The following GRM1 variants were observed in gnomAD, a reference collection of about 807,000 sequenced individuals.
GRM1 encodes the protein metabotropic glutamate receptor 1.
In GRM1, 33 loss-of-function variants were observed where a neutral mutation model predicts 90.9. That is an observed-to-expected ratio of 0.36 (90% CI 0.28 to 0.49). GRM1 has a LOEUF of 0.49. Among genes scored for constraint, GRM1 ranks in the 20% least tolerant of loss-of-function variants. GRM1 has a pLI of 0.99. For synonymous variants in GRM1, 700 were observed against 613.2 expected, an observed-to-expected ratio of 1.14 and a Z score of -2.09; for missense variants, 1,190 against 1,534.3, an observed-to-expected ratio of 0.78 and a Z score of 3.75.
intron 2 of GRM1, among the ~76,000 whole-genome samples, chr6:146,252,910 A>G (rs900454880): frequency 8.6e-5 from 13 of 151,698 alleles, no homozygotes; most frequent in Admixed American, 8.6e-4. Flanking sequence ...AAATACAAAA[A>G]TTAGCTGGGC....
At chr6:146,269,742 C>T (rs1387955382) in intron 2 of GRM1, among the ~76,000 whole-genome samples, 1 of 151,966 alleles carries the variant, frequency 6.6e-6, no homozygotes, top group East Asian at 1.9e-4. Flanking sequence ...GAATCTGATG[C>T]CTGGTGATCT....
At chr6:146,187,689 A>G (rs572970157) in intron 2 of GRM1, among the ~76,000 whole-genome samples, 32 of 151,960 alleles carry the variant, frequency 2.1e-4, no homozygotes, top group South Asian at 4.1e-4. Flanking sequence ...TATAATTTAT[A>G]TTTGCTAACA....
intron 2 of GRM1, among the ~76,000 whole-genome samples, chr6:146,195,796 G>A (rs1052378318): frequency 6.6e-6 from 1 of 152,218 alleles, no homozygotes; most frequent in Non-Finnish European, 1.5e-5. Context: ...GAGACAAATA[G>A]AAAGGAGCTG....
intron 3 of GRM1, among the ~76,000 whole-genome samples, chr6:146,351,939 A>T (rs140953527): frequency 1.4e-3 from 210 of 152,340 alleles, no homozygotes; most frequent in African/African-American, 4.5e-3. Flanking sequence ...AGGGAGTAAG[A>T]GTTATTTCCA....
chr6:146,150,142 C>G (rs1330615073), intron 1 of GRM1, among the ~76,000 whole-genome samples: 1 of 152,152 alleles, frequency 6.6e-6, no homozygotes, highest in Admixed American at 6.5e-5. Flanking sequence ...GGGGTTGTTT[C>G]TCTGCTGGGG....
At chr6:146,271,438 G>C (rs1001171056) in intron 2 of GRM1, among the ~76,000 whole-genome samples, 5 of 152,156 alleles carry the variant, frequency 3.3e-5, no homozygotes, top group African/African-American at 9.7e-5. Flanking sequence ...GACTTGTTAG[G>C]AAGCTGGTGG....
At position 146,170,679 on chromosome 6, in the gene GRM1, C is replaced by CT. The variant is rs972684660; in HGVS notation, c.950+11090dup. 2.8e-4 allele frequency among the ~76,000 whole-genome samples: 42 copies of CT among 151,724 alleles called. No homozygotes were observed. The East Asian group carries it at 5.6e-3, about 20-fold the overall frequency. ...TTTAATTAGACACTGTCATTATATC[C>CT]TTTTTTTTACTTCTTTAAGCATAGT... is the stretch of plus-strand genomic sequence containing the variant. On this transcript the variant is annotated intron_variant, in intron 2 of 7. Coordinates refer to ENST00000282753, the MANE Select transcript of GRM1 (RefSeq NM_001278064.2).
intron 2 of GRM1, among the ~76,000 whole-genome samples, chr6:146,270,854 T>C (rs1782098659): frequency 2.5e-5 from 1 of 40,182 alleles, no homozygotes; most frequent in Non-Finnish European, 4.9e-5. Context: ...TTTCTTTTTC[T>C]TTCTTTCTTT....
intron 2 of GRM1, among the ~76,000 whole-genome samples, chr6:146,207,602 A>T (rs1779539034): frequency 6.6e-6 from 1 of 152,134 alleles, no homozygotes; most frequent in South Asian, 2.1e-4. Context: ...TTCTGCAGAG[A>T]GGAGTAATGG....
At chr6:146,151,850 T>A (rs1357269749) in intron 1 of GRM1, among the ~76,000 whole-genome samples, 1 of 152,188 alleles carries the variant, frequency 6.6e-6, no homozygotes, top group Non-Finnish European at 1.5e-5. Context: ...ATAATAGGAT[T>A]TCTTTGTAAG....
intron 5 of GRM1, among the ~76,000 whole-genome samples, chr6:146,358,678 G>A (rs1775329906): frequency 1.3e-5 from 2 of 152,112 alleles, no homozygotes; most frequent in African/African-American, 4.8e-5. Flanking sequence ...GGGTCCCCAG[G>A]GCAAGAATCC....
At chr6:146,420,928 T>A (rs1482099011) in intron 7 of GRM1, among the ~76,000 whole-genome samples, 1 of 152,198 alleles carries the variant, frequency 6.6e-6, no homozygotes, top group African/African-American at 2.4e-5. Context: ...TGATAATTAA[T>A]GGCTGCTAAG....
chr6:146,365,123 A>G (rs929282479), intron 5 of GRM1: 2 of 152,304 alleles, frequency 1.3e-5, no homozygotes, highest in South Asian at 2.1e-4. Flanking sequence ...AGAATCTTGT[A>G]CTTGAGAAGT....
intron 1 of GRM1, among the ~76,000 whole-genome samples, chr6:146,122,341 T>G (rs1254808895): frequency 1.3e-5 from 2 of 152,188 alleles, no homozygotes; most frequent in Non-Finnish European, 2.9e-5. Context: ...TTTGGAGTTT[T>G]CAAATTTTAT....
At chr6:146,308,845 G>A (rs978373322) in intron 3 of GRM1, among the ~76,000 whole-genome samples, 4 of 151,884 alleles carry the variant, frequency 2.6e-5, no homozygotes, top group Non-Finnish European at 5.9e-5. Context: ...TAAAAGAAAT[G>A]TTTTATACAT....
At chr6:146,382,012 G>T (rs371386925) in intron 5 of GRM1, among the ~76,000 whole-genome samples, 1 of 152,102 alleles carries the variant, frequency 6.6e-6, no homozygotes, top group Non-Finnish European at 1.5e-5. Flanking sequence ...GTGTGTAGCA[G>T]CAGATCACCT....
chr6:146,302,543 A>T (rs1365550585), intron 2 of GRM1, among the ~76,000 whole-genome samples: 1 of 150,246 alleles, frequency 6.7e-6, no homozygotes, highest in Non-Finnish European at 1.5e-5. Flanking sequence ...AGATAATTTT[A>T]TTTATTTATT....
At chr6:146,270,965 CTTTT>C (rs1207791033) in intron 2 of GRM1, among the ~76,000 whole-genome samples, 6 of 102,638 alleles carry the variant, frequency 5.8e-5, no homozygotes, top group African/African-American at 8.5e-5. Context: ...TTCTTTCTTT[CTTTT>C]TTTTTTCTCT....
Position 146,434,994 on chromosome 6 carries a change from A to T in GRM1, c.*198A>T, listed in dbSNP as rs1778552615. The T allele has an allele frequency of 9.7e-6, 6 of 621,746 alleles. No individual in the cohort carries two copies. The highest frequency in any genetic ancestry group is 1.4e-5 in the Non-Finnish European group (5 of 348,680). The allele number at this position is 621,746 out of a possible 1,614,324, so 38.5% of individuals were successfully genotyped here. On this transcript the variant is annotated 3_prime_UTR_variant, in exon 8 of 8. Coordinates refer to ENST00000282753, the MANE Select transcript of GRM1 (RefSeq NM_001278064.2). Reference sequence around the variant, plus strand: ...AAGGACACCAAGCAAAAAATGTTCCAGGCCAGGATTCGGATTCTTGAATTA... The same window carrying T: ...AAGGACACCAAGCAAAAAATGTTCCTGGCCAGGATTCGGATTCTTGAATTA...
Sources: gnomAD v4.1 joint callset for allele counts (sites outside exome capture counted in the v4.1 genomes callset) on GRCh38, gnomAD v4.1.1 for gene constraint, MANE v1.5 for transcripts, NCBI Gene and HGNC (gene_info 2026-07-23, HGNC 2026-07-21) for gene names.